Variants in MARK4 observed in about 807,000 individuals in gnomAD.
MARK4 encodes the protein microtubule affinity regulating kinase 4.
In MARK4, 19 loss-of-function variants were observed where a neutral mutation model predicts 81.5. That is an observed-to-expected ratio of 0.23 (90% CI 0.16 to 0.34). MARK4 has a LOEUF of 0.34. MARK4 is among the 10% of genes least tolerant of loss of function. The pLI, the probability that MARK4 is intolerant of heterozygous loss-of-function variation, is 1.00. For missense variants in MARK4, 772 were observed against 1,058.8 expected (o/e 0.73, Z 3.76); for synonymous variants, 436 against 439.0 (o/e 0.99, Z 0.08).
chr19:45,280,868 T>C, intron 12 of MARK4, 134 bp downstream of exon 12: 1 of 1,268,268 alleles, frequency 7.9e-7, no homozygotes, highest in African/African-American at 1.5e-5. Flanking sequence ...GAATGTCTTA[T>C]AAAGACACAG....
Position 45,297,687 on chromosome 19 carries a change from C to A in MARK4, c.1610C>A (p.Pro537Gln). ...GTCTCTGCCCACAGCTCAGGCACCC[C>A]ACGGGTGCCCCCTGCCTCCCCCTCC... ...PNGKENSSGT[P>Q]RVPPASPSSH... Residue 537 changes from proline (P) to glutamine (Q), a missense_variant, in exon 15 of 17, where the codon CCA becomes CAA. By Grantham distance (76) the Pro-to-Gln change is moderately conservative (BLOSUM62 -1). This residue lies in a region of MARK4 where 548 missense variants were observed against 624.3 expected (regional missense o/e 0.88). Coordinates refer to ENST00000262891, the MANE Select transcript of MARK4 (RefSeq NM_001199867.2). 6.6e-7 allele frequency: 1 copy of A among 1,526,400 alleles called. No individual in the cohort carries two copies. The highest frequency in any genetic ancestry group is 2.2e-5 in the Admixed American group (1 of 45,472). The allele number at this position is 1,526,400 out of a possible 1,614,324, so 94.6% of individuals were successfully genotyped here.
In MARK4 at chr19:45,304,018, G is replaced by A. The variant is rs1221058316; in HGVS notation, c.*1308G>A. On this transcript the variant is annotated 3_prime_UTR_variant, in exon 17 of 17. Coordinates refer to ENST00000262891, the MANE Select transcript of MARK4 (RefSeq NM_001199867.2). The stretch of plus-strand genomic sequence containing the variant: ...ATCAGCAAGAGAAATGCTGTATTAG[G>A]ACTAATAATCCATCTACGCTGCTTA... The A allele has an allele frequency of 6.6e-6, 1 of 152,258 alleles. No homozygotes were observed. Among genetic ancestry groups the A allele is most frequent in the South Asian group, 2.1e-4 (1 of 4,830 alleles). The allele number at this position is 152,258 out of a possible 1,614,324, so 9.4% of individuals were successfully genotyped here.
In MARK4 at chr19:45,297,687, C is replaced by T. The variant is rs751408917; in HGVS notation, c.1610C>T (p.Pro537Leu). The change falls in exon 15 of 17, where the codon CCA (proline) becomes CTA (leucine). Residue 537 changes from proline (P) to leucine (L), a missense_variant. This residue lies in a region of MARK4 where 548 missense variants were observed against 624.3 expected (regional missense o/e 0.88). Transcript: ENST00000262891. ...GTCTCTGCCCACAGCTCAGGCACCC[C>T]ACGGGTGCCCCCTGCCTCCCCCTCC... ...PNGKENSSGT[P>L]RVPPASPSSH... 5 of 1,526,284 alleles carry T rather than the reference C, an allele frequency of 3.3e-6. No individual in the cohort carries two copies. The South Asian group carries it at 5.3e-5, about 16-fold the overall frequency. 94.5% of individuals were successfully genotyped at this position (1,526,284 alleles called of 1,614,324 possible).
intron 8 of MARK4, among the ~76,000 whole-genome samples, chr19:45,272,238 G>A (rs184437669): frequency 1.8e-4 from 27 of 152,260 alleles, no homozygotes; most frequent in African/African-American, 6.0e-4. Context: ...AGGCTGACGC[G>A]GGAGGATCAC....
At chr19:45,299,472 T>C (rs949297476) in intron 15 of MARK4, among the ~76,000 whole-genome samples, 3 of 152,020 alleles carry the variant, frequency 2.0e-5, no homozygotes, top group African/African-American at 7.2e-5. Context: ...AAAGCATGAA[T>C]GTATATGTGA....
At chr19:45,298,555 G>A (rs1418213445) in intron 15 of MARK4, among the ~76,000 whole-genome samples, 1 of 152,164 alleles carries the variant, frequency 6.6e-6, no homozygotes, top group Non-Finnish European at 1.5e-5. Flanking sequence ...ACATTGCCTT[G>A]GAAAGTGCTT....
intron 15 of MARK4, among the ~76,000 whole-genome samples, chr19:45,298,408 C>G (rs907697093): frequency 3.3e-5 from 5 of 152,120 alleles, no homozygotes; most frequent in African/African-American, 1.2e-4. Context: ...GCAGCTCTGC[C>G]AAGTGACCTT....
chr19:45,260,530 G>GA (rs533155935), intron 2 of MARK4, among the ~76,000 whole-genome samples: 3,364 of 148,988 alleles, frequency 0.023, 56 homozygotes, highest in South Asian at 0.035. Context: ...CATCTTTACT[G>GA]AAAAAAAAAT....
chr19:45,290,054 C>T (rs550890256), intron 13 of MARK4, among the ~76,000 whole-genome samples: 1 of 152,102 alleles, frequency 6.6e-6, no homozygotes, highest in African/African-American at 2.4e-5. Flanking sequence ...GAGCCAAGAT[C>T]GTGCCACTGC....
Position 45,305,078 on chromosome 19 carries a change from AAG to A in MARK4, c.*2371_*2372del, listed in dbSNP as rs1310091120. On this transcript the variant is annotated 3_prime_UTR_variant, in exon 17 of 17. Transcript: ENST00000262891. Reference sequence around the variant, plus strand: ...AAGTTGACAGGTCAGAAGATCAGGAAAGAGGTCGGGGCTGGACAGATGGGGAG... The same window carrying A: ...AAGTTGACAGGTCAGAAGATCAGGAAAGGTCGGGGCTGGACAGATGGGGAG... The A allele has an allele frequency of 6.6e-6, 1 of 152,480 alleles. No individual in the cohort carries two copies. Among genetic ancestry groups the A allele is most frequent in the East Asian group, 1.9e-4 (1 of 5,198 alleles). The allele number at this position is 152,480 out of a possible 1,614,324, so 9.4% of individuals were successfully genotyped here. A position where few individuals can be genotyped will look rare whatever the true frequency, so the allele number is the denominator to read the frequency against.
At chr19:45,268,080 G>A (rs1424230733) in intron 7 of MARK4, among the ~76,000 whole-genome samples, 12 of 152,072 alleles carry the variant, frequency 7.9e-5, no homozygotes, top group African/African-American at 2.7e-4. Context: ...ACAGGTGTGA[G>A]CCACTGTGCC....
chr19:45,266,723 C>CT (rs1273085972), intron 7 of MARK4, among the ~76,000 whole-genome samples: 1 of 148,576 alleles, frequency 6.7e-6, no homozygotes, highest in Non-Finnish European at 1.5e-5. Flanking sequence ...TCACAGGAAT[C>CT]TGAGAACTTT....
chr19:45,287,699 C>T (rs375633131), intron 13 of MARK4, 35 bp downstream of exon 13: 29 of 1,586,146 alleles, frequency 1.8e-5, no homozygotes, highest in East Asian at 1.2e-4. Context: ...GGGCTGGGGG[C>T]GCCACCTGGG....
intron 16 of MARK4, among the ~76,000 whole-genome samples, chr19:45,301,273 C>T (rs1970967802): frequency 6.6e-6 from 1 of 152,044 alleles, no homozygotes; most frequent in South Asian, 2.1e-4. Flanking sequence ...CTCAAAAAAA[C>T]TAAGAAGTGG....
intron 7 of MARK4, among the ~76,000 whole-genome samples, chr19:45,266,828 G>A (rs973030136): frequency 5.9e-5 from 9 of 151,510 alleles, no homozygotes; most frequent in South Asian, 2.1e-4. Flanking sequence ...CGCCTCCTGG[G>A]TTCACACCAT....
intron 14 of MARK4, among the ~76,000 whole-genome samples, chr19:45,295,403 G>A (rs777548042): frequency 2.6e-5 from 4 of 151,788 alleles, no homozygotes; most frequent in Non-Finnish European, 4.4e-5. Flanking sequence ...TTCTGAGTTC[G>A]AATCTTACCT....
intron 8 of MARK4, among the ~76,000 whole-genome samples, chr19:45,276,945 G>A (rs1198251543): frequency 6.6e-6 from 1 of 150,646 alleles, no homozygotes. Flanking sequence ...ACATTTTTAC[G>A]GATATTAACT....
At chr19:45,280,767 C>G (rs1478368859) in intron 12 of MARK4, 33 bp downstream of exon 12, 5 of 1,610,070 alleles carry the variant, frequency 3.1e-6, no homozygotes, top group Non-Finnish European at 4.2e-6. Context: ...CACGCACCCT[C>G]CTTCTCCCCA....
chr19:45,302,663 G>A lies in MARK4; in HGVS notation c.2212G>A (p.Ala738Thr). Residue 738 changes from alanine (A) to threonine (T), a missense_variant, in exon 17 of 17, where the codon GCC (alanine) becomes ACC (threonine). Coordinates refer to ENST00000262891, the MANE Select transcript of MARK4 (RefSeq NM_001199867.2). The surrounding 1 kb of genome is among the most constrained non-coding windows in gnomAD (Gnocchi z 4.9). ...LFRRVAGTAL[A>T]FRTLVTRISN... ...CCGCCGTGTGGCGGGCACCGCCCTG[G>A]CCTTCCGCACCCTCGTCACCCGCAT... 2.6e-6 allele frequency: 4 copies of A among 1,537,924 alleles called. No individual in the cohort carries two copies. Among genetic ancestry groups the A allele is most frequent in the Non-Finnish European group, 3.5e-6 (4 of 1,147,664 alleles).
Sources: gnomAD v4.1 joint callset for allele counts (sites outside exome capture counted in the v4.1 genomes callset) on GRCh38, gnomAD v4.1.1 for gene constraint, gnomAD v4.1.1 regional missense constraint, Gnocchi (gnomAD v3.1) non-coding constraint, MANE v1.5 for transcripts, NCBI Gene and HGNC (gene_info 2026-07-23, HGNC 2026-07-21) for gene names.